ATP5F1C: variants seen among roughly 807,000 people sequenced by gnomAD.
ATP5F1C encodes the protein ATP synthase F(1) complex subunit gamma, mitochondrial.
ATP5F1C carries 22 observed loss-of-function variants against 37.4 expected under a neutral mutation model. The observed-to-expected ratio is 0.59, with a 90% CI of 0.42 to 0.84. The LOEUF is 0.84. Among genes scored for constraint, ATP5F1C ranks in the 40% least tolerant of loss-of-function variants. ATP5F1C has a pLI of 0.00. For synonymous variants in ATP5F1C, 121 were observed against 128.0 expected (o/e 0.95, Z 0.37); for missense variants, 286 against 362.4 (o/e 0.79, Z 1.71).
Position 7,796,167 on chromosome 10 carries a change from G to A in ATP5F1C, c.91+12G>A. On this transcript the variant is annotated intron_variant, in intron 2 of 9. Transcript: ENST00000356708. ...AACTTTGAAAGATAGTAAGTATGTTGTTTGTCTCAATATGTGAATTGAGAA... is the reference window on the plus strand; with the variant it reads ...AACTTTGAAAGATAGTAAGTATGTTATTTGTCTCAATATGTGAATTGAGAA... 2 of 1,582,052 alleles carry A rather than the reference G, an allele frequency of 1.3e-6. No homozygotes were observed. Among genetic ancestry groups the A allele is most frequent in the Non-Finnish European group, 1.7e-6 (2 of 1,168,886 alleles).
intron 1 of ATP5F1C, 22 bp from the exon 2 acceptor site, chr10:7,796,099 T>C: frequency 1.9e-6 from 3 of 1,576,680 alleles, no homozygotes; most frequent in Non-Finnish European, 2.6e-6. Flanking sequence ...AACTGAAACA[T>C]TTTTAAAACT....
chr10:7,802,307 G>C lies in ATP5F1C; in HGVS notation c.675G>C (p.Val225=), dbSNP rs1588502670. Residue 225 remains valine (V), a synonymous_variant, in exon 7 of 10, where the codon GTG becomes GTC. Coordinates refer to ENST00000356708, the MANE Select transcript of ATP5F1C (RefSeq NM_001001973.3). The part of the protein sequence containing the change: ...MSIYDDIDAD[V]LQNYQEYNLA... ...TCTATGACGATATTGATGCTGACGT[G>C]CTGCAAAATTACCAAGAATACAATC... 1 of 1,613,700 alleles carries C rather than the reference G, an allele frequency of 6.2e-7. No individual in the cohort carries two copies. Among genetic ancestry groups the C allele is most frequent in the Non-Finnish European group, 8.5e-7 (1 of 1,179,938 alleles).
At chr10:7,792,626 C>T (rs1333436436) in intron 1 of ATP5F1C, among the ~76,000 whole-genome samples, 1 of 152,124 alleles carries the variant, frequency 6.6e-6, no homozygotes, top group African/African-American at 2.4e-5. Flanking sequence ...TTTCAGATGG[C>T]CTTCTCTCCC....
rs1836294357 is a variant in ATP5F1C at position 7,798,938 on chromosome 10, T to A, written c.224-52T>A. On this transcript the variant is annotated intron_variant, in intron 3 of 9. Transcript: ENST00000356708. ...ACTGCTTTGTAAATTAGAGATTTAT[T>A]GTATTTAGTGTATTGCATATAAAAA... 1.1e-5 allele frequency: 17 copies of A among 1,481,454 alleles called. No individual in the cohort carries two copies. The South Asian group carries it at 2.0e-4, about 17-fold the overall frequency. The allele number at this position is 1,481,454 out of a possible 1,614,324, so 91.8% of individuals were successfully genotyped here.
chr10:7,788,369 G>A (rs1354191283), intron 1 of ATP5F1C, 106 bp downstream of exon 1: 1 of 1,452,616 alleles, frequency 6.9e-7, no homozygotes, highest in East Asian at 2.4e-5. Flanking sequence ...GGGTCGCAGG[G>A]CCTAGCTGGG....
chr10:7,789,128 G>GT (rs2131050138), intron 1 of ATP5F1C, among the ~76,000 whole-genome samples: 1 of 152,244 alleles, frequency 6.6e-6, no homozygotes, highest in East Asian at 1.9e-4. Flanking sequence ...GCAGGTAAAA[G>GT]TTGGTTTGTG....
chr10:7,805,781 A>C (rs12413165), intron 8 of ATP5F1C, among the ~76,000 whole-genome samples: 7,234 of 150,942 alleles, frequency 0.048, 303 homozygotes, highest in Admixed American at 0.11. Flanking sequence ...AAATGCAGGA[A>C]ACCTATTTAA....
chr10:7,793,459 A>AT (rs923083576), intron 1 of ATP5F1C, among the ~76,000 whole-genome samples: 5 of 151,772 alleles, frequency 3.3e-5, no homozygotes, highest in East Asian at 1.9e-4. Flanking sequence ...TCTTTTGCCC[A>AT]TTTTTTTTAT....
rs367988093 is a variant in ATP5F1C at position 7,802,874 on chromosome 10, C to G, written c.890+20C>G. On this transcript the variant is annotated intron_variant, in intron 8 of 9. Transcript: ENST00000356708. ...AGCTCTGTGAGTAATTGTAGATTGT[C>G]GCCTTCAGAGAATTTTTTTTCCTCT... 6.3e-7 allele frequency: 1 copy of G among 1,599,646 alleles called. No individual in the cohort carries two copies. Among genetic ancestry groups the G allele is most frequent in the Non-Finnish European group, 8.5e-7 (1 of 1,173,070 alleles).
At chr10:7,805,839 C>T (rs1137807) in intron 8 of ATP5F1C, among the ~76,000 whole-genome samples, 52,835 of 151,636 alleles carry the variant, frequency 0.35, 9,217 homozygotes, top group South Asian at 0.44. Flanking sequence ...GTAATCCCAG[C>T]ATTTTGGGAG....
intron 3 of ATP5F1C, among the ~76,000 whole-genome samples, chr10:7,797,909 T>C (rs1476882703): frequency 6.6e-6 from 1 of 152,228 alleles, no homozygotes; most frequent in East Asian, 1.9e-4. Context: ...GAATTTATAT[T>C]GTGTTTTTAG....
intron 4 of ATP5F1C, chr10:7,799,550 G>C (rs1010993227): frequency 1.0e-5 from 6 of 587,974 alleles, no homozygotes; most frequent in Non-Finnish European, 1.8e-5. Flanking sequence ...GAGGAATAAA[G>C]GGGAAAAGAA....
intron 1 of ATP5F1C, 124 bp from the exon 2 acceptor site, chr10:7,795,997 G>C: frequency 1.4e-6 from 1 of 721,268 alleles, no homozygotes; most frequent in African/African-American, 1.8e-5. Flanking sequence ...TCTGAGTCCT[G>C]TATTTGATAG....
chr10:7,806,377 A>G (rs1399357185), intron 8 of ATP5F1C, among the ~76,000 whole-genome samples: 1 of 152,188 alleles, frequency 6.6e-6, no homozygotes, highest in Non-Finnish European at 1.5e-5. Context: ...AAATATGGCC[A>G]GGCGCAGTGG....
chr10:7,796,371 C>G, intron 2 of ATP5F1C: 1 of 392,882 alleles, frequency 2.5e-6, no homozygotes, highest in East Asian at 4.5e-5. Flanking sequence ...GTAGAATGAT[C>G]ATGATATAAC....
At chr10:7,804,167 T>A (rs770741305) in intron 8 of ATP5F1C, 5 of 518,912 alleles carry the variant, frequency 9.6e-6, no homozygotes, top group Non-Finnish European at 1.9e-5. Flanking sequence ...AAAAGGAGAG[T>A]GATAGCGTGT....
intron 4 of ATP5F1C, 133 bp from the exon 5 acceptor site, chr10:7,799,639 C>T: frequency 1.0e-6 from 1 of 982,734 alleles, no homozygotes; most frequent in Non-Finnish European, 1.5e-6. Flanking sequence ...TGTGGAACAA[C>T]TCAGGAAATC....
chr10:7,804,685 G>A (rs1430210215), intron 8 of ATP5F1C, among the ~76,000 whole-genome samples: 3 of 152,178 alleles, frequency 2.0e-5, no homozygotes, highest in South Asian at 2.1e-4. Context: ...TGTGCTCCTC[G>A]AGGCTAGGAT....
At chr10:7,791,030 A>G (rs150982591) in intron 1 of ATP5F1C, among the ~76,000 whole-genome samples, 2 of 152,298 alleles carry the variant, frequency 1.3e-5, no homozygotes, top group African/African-American at 4.8e-5. Flanking sequence ...GGCTAGGCGC[A>G]GTGGCTCACG....
Sources: allele counts gnomAD v4.1 joint callset (sites outside exome capture counted in the v4.1 genomes callset), GRCh38; gene constraint gnomAD v4.1.1; transcripts MANE v1.5; gene names NCBI Gene and HGNC (gene_info 2026-07-23, HGNC 2026-07-21).